ACACA: variants seen among roughly 807,000 people sequenced by gnomAD.
ACACA encodes acetyl-CoA carboxylase 1.
In ACACA, 103 loss-of-function variants were observed where a neutral mutation model predicts 296.1. The observed-to-expected ratio is 0.35, with a 90% CI of 0.30 to 0.41. The LOEUF is 0.41. Among genes scored for constraint, ACACA ranks in the 10% least tolerant of loss-of-function variants. The pLI, the probability that ACACA is intolerant of heterozygous loss-of-function variation, is 1.00. For missense variants in ACACA, 1,554 were observed against 2,989.7 expected, an observed-to-expected ratio of 0.52 and a Z score of 11.20; for synonymous variants, 953 against 1,038.6, an observed-to-expected ratio of 0.92 and a Z score of 1.58.
intron 29 of ACACA, among the ~76,000 whole-genome samples, chr17:37,215,242 A>G (rs2078930550): frequency 6.6e-6 from 1 of 152,236 alleles, no homozygotes; most frequent in South Asian, 2.1e-4. Flanking sequence ...AATCCGACTT[A>G]ACTAAAGCAT....
In ACACA at chr17:37,406,449, C is replaced by T; in HGVS notation, c.-150G>A. Reference sequence around the variant, plus strand: ...TCAGTCTGGTTCATCCACGAGCAGCCCTTCGGGGCCCGGACTGGAGAGGCG... The same window carrying T: ...TCAGTCTGGTTCATCCACGAGCAGCTCTTCGGGGCCCGGACTGGAGAGGCG... On this transcript the variant is annotated 5_prime_UTR_variant, in exon 1 of 56. Coordinates refer to ENST00000616317, the MANE Select transcript of ACACA (RefSeq NM_198834.3). 2 of 858,210 alleles carry T rather than the reference C, an allele frequency of 2.3e-6. No homozygotes were observed. Among genetic ancestry groups the T allele is most frequent in the Non-Finnish European group, 3.7e-6 (2 of 541,388 alleles). The allele number at this position is 858,210 out of a possible 1,614,324, so 53.2% of individuals were successfully genotyped here.
intron 29 of ACACA, among the ~76,000 whole-genome samples, chr17:37,220,155 T>C (rs183711127): frequency 4.5e-4 from 69 of 152,312 alleles, no homozygotes; most frequent in Middle Eastern, 3.4e-3. Context: ...CCAAGATTCA[T>C]ACTCTTGACA....
rs981357618 is a variant in ACACA, at chr17:37,200,551, C to T, written c.4057-68G>A. ...CATTCATTCTAAATTTTATCCCATT[C>T]GGCCCTTGTAAGGCTTTGGTGGAGT... On this transcript the variant is annotated intron_variant, in intron 33 of 55. Coordinates refer to ENST00000616317, the MANE Select transcript of ACACA (RefSeq NM_198834.3). 1.8e-5 allele frequency: 26 copies of T among 1,453,212 alleles called. 1 individual carries two copies. The African/African-American group carries it at 2.0e-4, about 11-fold the overall frequency. 90.0% of individuals were successfully genotyped at this position (1,453,212 alleles called of 1,614,324 possible). A position where few individuals can be genotyped will look rare whatever the true frequency, so the allele number is the denominator to read the frequency against.
chr17:37,097,714 C>A lies in ACACA; in HGVS notation c.6720+116G>T, dbSNP rs2073077081. On this transcript the variant is annotated intron_variant, in intron 53 of 55. Transcript: ENST00000616317. This position sits in a 1 kb window ranked among gnomAD's most constrained non-coding sequence, Gnocchi z 4.8. ...AAAATATTGAAAATGTTTTGATCTG[C>A]AGAAGTTGTTTTAATTTGGCCCTCA... The A allele has an allele frequency of 8.2e-7, 1 of 1,225,682 alleles. No individual in the cohort carries two copies. The highest frequency in any genetic ancestry group is 1.2e-6 in the Non-Finnish European group (1 of 859,376). The allele number at this position is 1,225,682 out of a possible 1,614,324, so 75.9% of individuals were successfully genotyped here.
chr17:37,207,239 C>G (rs1434653535), intron 31 of ACACA, among the ~76,000 whole-genome samples: 4 of 152,100 alleles, frequency 2.6e-5, no homozygotes, highest in Non-Finnish European at 4.4e-5. Flanking sequence ...AATGTAATTA[C>G]CCCTCCCCCT....
intron 3 of ACACA, among the ~76,000 whole-genome samples, chr17:37,310,793 C>CAAAAAAAAAAAA (rs74268026): frequency 4.0e-5 from 2 of 50,494 alleles, no homozygotes; most frequent in East Asian, 4.4e-4. Flanking sequence ...GACACCATCT[C>CAAAAAAAAAAAA]AAAAAAAAAA....
At chr17:37,275,728 A>G (rs891050500) in intron 8 of ACACA, among the ~76,000 whole-genome samples, 6 of 152,116 alleles carry the variant, frequency 3.9e-5, no homozygotes, top group Admixed American at 3.9e-4. Context: ...AACTCACAAG[A>G]TCACTCCAGA....
intron 45 of ACACA, among the ~76,000 whole-genome samples, chr17:37,130,428 G>A (rs1296349315): frequency 2.6e-5 from 4 of 152,112 alleles, no homozygotes; most frequent in African/African-American, 4.8e-5. Context: ...TGCCAGCTGC[G>A]CTAAGAGGGC....
intron 41 of ACACA, 23 bp downstream of exon 41, chr17:37,179,237 G>C: frequency 2.5e-6 from 4 of 1,614,056 alleles, no homozygotes; most frequent in Non-Finnish European, 3.4e-6. Flanking sequence ...ATAAGAAAGG[G>C]AAGGGGGGTT....
At chr17:37,243,289 A>C in intron 22 of ACACA, 82 bp downstream of exon 22, 3 of 1,403,018 alleles carry the variant, frequency 2.1e-6, no homozygotes, top group African/African-American at 1.4e-5. Flanking sequence ...AAAAGTAAGG[A>C]GGATCCAAAT....
rs551267369 is a variant in ACACA, at chr17:37,356,068, G to C, written c.39-16218C>G. 8.6e-5 allele frequency among the ~76,000 whole-genome samples: 13 copies of C among 151,522 alleles called. No individual in the cohort carries two copies. The South Asian group carries it at 2.7e-3, about 32-fold the overall frequency. On this transcript the variant is annotated intron_variant, in intron 1 of 55. Transcript: ENST00000616317. ...ACCTTGTAGTCTCAGCTACTCAGGG[G>C]GGTGAGGCAGGATTGCTAGAACCTG...
At chr17:37,260,252 A>T (rs1465659431) in intron 11 of ACACA, among the ~76,000 whole-genome samples, 1 of 7,606 alleles carries the variant, frequency 1.3e-4, no homozygotes, top group African/African-American at 7.2e-4. Context: ...CCCAAGTCAT[A>T]TATATATATA....
chr17:37,305,911 T>G (rs930926393), intron 3 of ACACA, among the ~76,000 whole-genome samples: 12 of 145,194 alleles, frequency 8.3e-5, no homozygotes, highest in South Asian at 2.3e-4. Context: ...TTTGTTTTTT[T>G]TTTTTTTTTT....
chr17:37,166,002 T>A (rs2144555339), intron 41 of ACACA, among the ~76,000 whole-genome samples: 1 of 152,286 alleles, frequency 6.6e-6, no homozygotes, highest in South Asian at 2.1e-4. Flanking sequence ...TAACTAATTA[T>A]ATGCTGCCTA....
chr17:37,291,570 T>C (rs2083069910), intron 3 of ACACA, among the ~76,000 whole-genome samples: 1 of 152,154 alleles, frequency 6.6e-6, no homozygotes, highest in Admixed American at 6.5e-5. Context: ...CTGGGCTACA[T>C]GCAGTCCATG....
chr17:37,103,935 T>C (rs2073517386), intron 52 of ACACA, among the ~76,000 whole-genome samples: 1 of 152,112 alleles, frequency 6.6e-6, no homozygotes, highest in Non-Finnish European at 1.5e-5. Context: ...CCAGAGATAC[T>C]CTGGTGGCTG....
At chr17:37,381,962 ATATAT>A (rs1316205064) in intron 1 of ACACA, among the ~76,000 whole-genome samples, 1 of 152,108 alleles carries the variant, frequency 6.6e-6, no homozygotes, top group East Asian at 1.9e-4. Flanking sequence ...CCCTATTGAT[ATATAT>A]TTTGGTCGTT....
chr17:37,404,969 T>C (rs1483753382), intron 1 of ACACA, among the ~76,000 whole-genome samples: 4 of 152,164 alleles, frequency 2.6e-5, no homozygotes, highest in Non-Finnish European at 5.9e-5. Flanking sequence ...CCTTACCAGA[T>C]GATACATGAT....
At chr17:37,323,621 T>A (rs1490215913) in intron 3 of ACACA, among the ~76,000 whole-genome samples, 1 of 151,938 alleles carries the variant, frequency 6.6e-6, no homozygotes, top group African/African-American at 2.4e-5. Flanking sequence ...ACATTTAGCA[T>A]AGGATAAAAA....
Sources: allele counts gnomAD v4.1 joint callset (sites outside exome capture counted in the v4.1 genomes callset), GRCh38; gene constraint gnomAD v4.1.1; non-coding constraint Gnocchi (gnomAD v3.1); transcripts MANE v1.5; gene names NCBI Gene and HGNC (gene_info 2026-07-23, HGNC 2026-07-21).